Variants in BAHCC1 observed in about 807,000 individuals in gnomAD.
The protein encoded by BAHCC1 is BAH domain and coiled-coil containing 1.
In BAHCC1, 43 loss-of-function variants were observed where a neutral mutation model predicts 88.2. The ratio of observed to expected loss-of-function variants is 0.49; its 90% CI spans 0.38 to 0.63. The LOEUF is 0.63. Among genes scored for constraint, BAHCC1 ranks in the 20% least tolerant of loss-of-function variants. The probability of loss-of-function intolerance (pLI) is 0.00; values close to 1 mark genes in which losing one functional copy is unlikely to be tolerated. For synonymous variants in BAHCC1, 1,510 were observed against 745.5 expected, an observed-to-expected ratio of 2.03 and a Z score of -16.71; for missense variants, 3,023 against 1,654.8, an observed-to-expected ratio of 1.83 and a Z score of -14.34.
chr17:81,419,057 G>A lies in BAHCC1; in HGVS notation c.179-7743G>A, dbSNP rs565118960. Among the ~76,000 whole-genome samples, 6 of 152,248 alleles carry A rather than the reference G, an allele frequency of 3.9e-5. No individual in the cohort carries two copies. In the South Asian group the frequency reaches 1.2e-3, roughly 32 times the overall value. On this transcript the variant is annotated intron_variant, in intron 2 of 27. Transcript: ENST00000675386. Reference sequence around the variant, plus strand: ...ACTAGTGATTGCAGCCAGGGTGGGGGAAGCATCACTGGGTTGTATCTGGGG... The same window carrying A: ...ACTAGTGATTGCAGCCAGGGTGGGGAAAGCATCACTGGGTTGTATCTGGGG...
At chr17:81,428,265 C>A (rs937277495) in intron 3 of BAHCC1, among the ~76,000 whole-genome samples, 1 of 152,228 alleles carries the variant, frequency 6.6e-6, no homozygotes, top group African/African-American at 2.4e-5. Flanking sequence ...TATGCCCCAC[C>A]CCGCCTCAGC....
intron 2 of BAHCC1, among the ~76,000 whole-genome samples, chr17:81,400,340 A>T (rs1163155491): frequency 6.6e-6 from 1 of 151,960 alleles, no homozygotes; most frequent in African/African-American, 2.4e-5. Flanking sequence ...GGAGGGGACC[A>T]GGGTACGCCG....
chr17:81,420,411 C>A (rs1555649460), intron 2 of BAHCC1, among the ~76,000 whole-genome samples: 3 of 152,202 alleles, frequency 2.0e-5, no homozygotes, highest in Admixed American at 1.3e-4. Context: ...CAGCTGTTCC[C>A]CAGTCTTCCC....
Position 81,411,693 on chromosome 17 carries a change from C to A in BAHCC1, c.178+11776C>A. 1 of 328,102 alleles carries A rather than the reference C, an allele frequency of 3.0e-6. No individual in the cohort carries two copies. The highest frequency in any genetic ancestry group is 6.0e-6 in the Non-Finnish European group (1 of 166,202). 20.3% of individuals were successfully genotyped at this position (328,102 alleles called of 1,614,324 possible). On this transcript the variant is annotated intron_variant, in intron 2 of 27. Coordinates refer to ENST00000675386, the MANE Select transcript of BAHCC1 (RefSeq NM_001377448.1). The surrounding 1 kb of genome is among the most constrained non-coding windows in gnomAD (Gnocchi z 6.2). The stretch of plus-strand genomic sequence containing the variant: ...TGAGGCCCTCCAGGCAGCTCCCCTT[C>A]CACTCTGCCCAGCCCACCCTGCCAG...
chr17:81,437,271 C>T (rs1472157722), intron 3 of BAHCC1, among the ~76,000 whole-genome samples: 3 of 152,268 alleles, frequency 2.0e-5, no homozygotes, highest in Non-Finnish European at 4.4e-5. Flanking sequence ...GCCAGCCGCT[C>T]GGCCCTCACG....
Position 81,452,032 on chromosome 17 carries a change from G to A in BAHCC1, c.4241G>A (p.Arg1414Gln), listed in dbSNP as rs782567531. Residue 1414 changes from arginine (R) to glutamine (Q), a missense_variant, in exon 13 of 28, where the codon CGG (arginine) becomes CAG (glutamine). Coordinates refer to ENST00000675386, the MANE Select transcript of BAHCC1 (RefSeq NM_001377448.1). ...ACGCAGGAGGTGGGGATGCGCGTGC[G>A]GCTGGCGGAGCTGCAGCGGCGCTAC... ...LDTQEVGMRV[R>Q]LAELQRRYKE... is the part of the protein sequence containing the mutation. 21 of 629,192 alleles carry A rather than the reference G, an allele frequency of 3.3e-5. No homozygotes were observed. The highest frequency in any genetic ancestry group is 1.9e-4 in the Admixed American group (7 of 36,202). The allele number at this position is 629,192 out of a possible 1,614,324, so 39.0% of individuals were successfully genotyped here. A position where few individuals can be genotyped will look rare whatever the true frequency, so the allele number is the denominator to read the frequency against.
rs1187351886 is a variant in BAHCC1 at position 81,444,651 on chromosome 17, T to C, written c.2513-17T>C. On this transcript the variant is annotated splice_polypyrimidine_tract_variant and intron_variant, in intron 7 of 27. Coordinates refer to ENST00000675386, the MANE Select transcript of BAHCC1 (RefSeq NM_001377448.1). ...CCGAGAGTGCGAGGCCTGACCACTG[T>C]GCCCTCTGCCTCCCAGGCCTGGGGC... The C allele has an allele frequency of 2.6e-6, 2 of 769,448 alleles. No homozygotes were observed. The highest frequency in any genetic ancestry group is 1.7e-5 in the African/African-American group (1 of 59,042). 47.7% of individuals were successfully genotyped at this position (769,448 alleles called of 1,614,324 possible).
chr17:81,406,174 T>A (rs2063876464), intron 2 of BAHCC1, among the ~76,000 whole-genome samples: 2 of 152,174 alleles, frequency 1.3e-5, no homozygotes, highest in Non-Finnish European at 1.5e-5. Context: ...CTTGTTCCCC[T>A]GAGGAGGGAG....
Position 81,444,715 on chromosome 17 carries a change from G to C in BAHCC1, c.2560G>C (p.Ala854Pro), listed in dbSNP as rs543197440. 6 of 777,582 alleles carry C rather than the reference G, an allele frequency of 7.7e-6. No individual in the cohort carries two copies. In the South Asian group the frequency reaches 8.0e-5, roughly 10 times the overall value. 48.2% of individuals were successfully genotyped at this position (777,582 alleles called of 1,614,324 possible). The stretch of plus-strand genomic sequence containing the variant: ...CCAGAACCTGCCCCCCGGCTTCCCC[G>C]CCTCCGTGGCTGGCCCTGTGCCCTC... The part of the protein sequence containing the change: ...LHQNLPPGFP[A>P]SVAGPVPSVF... The change falls in exon 8 of 28, where the codon GCC becomes CCC. Residue 854 changes from alanine (A) to proline (P), a missense_variant. Physicochemically the swap from Ala to Pro is conservative, Grantham distance 27. Coordinates refer to ENST00000675386, the MANE Select transcript of BAHCC1 (RefSeq NM_001377448.1).
rs147451011 is a variant in BAHCC1, at chr17:81,460,906, G to T, written c.6243G>T (p.Thr2081=). ...TAACCTCAGGTGCCAAATCCCCCAC[G>T]GGGGCCTCCGACCACTTCCTGGGCC... ...ELLTSGAKSP[T]GASDHFLGRR... The change falls in exon 26 of 28, where the codon ACG becomes ACT. Residue 2081 remains threonine (T), a synonymous_variant. Coordinates refer to ENST00000675386, the MANE Select transcript of BAHCC1 (RefSeq NM_001377448.1). The T allele has an allele frequency of 1.3e-6, 1 of 767,714 alleles. No homozygotes were observed. The highest frequency in any genetic ancestry group is 1.3e-5 in the South Asian group (1 of 74,620). The allele number at this position is 767,714 out of a possible 1,614,324, so 47.6% of individuals were successfully genotyped here.
Position 81,442,709 on chromosome 17 carries a change from C to T in BAHCC1, c.1360C>T (p.Pro454Ser). Residue 454 changes from proline to serine, a missense_variant, in exon 5 of 28, where the codon CCT (proline) becomes TCT (serine). Physicochemically the swap from Pro to Ser is moderately conservative, Grantham distance 74. Coordinates refer to ENST00000675386, the MANE Select transcript of BAHCC1 (RefSeq NM_001377448.1). ...GGCCGAGGGCAAGGGCGAGCGGCGG[C>T]CTGGGGGCTTTGAGGCGGCCCTCAA... Reference protein sequence around the residue: ...LKAEGKGERRPGGFEAALNPR... With the variant: ...LKAEGKGERRSGGFEAALNPR... 1 of 775,390 alleles carries T rather than the reference C, an allele frequency of 1.3e-6. No individual in the cohort carries two copies. The highest frequency in any genetic ancestry group is 1.3e-5 in the South Asian group (1 of 74,160). The allele number at this position is 775,390 out of a possible 1,614,324, so 48.0% of individuals were successfully genotyped here. A position where few individuals can be genotyped will look rare whatever the true frequency, so the allele number is the denominator to read the frequency against.
chr17:81,415,004 C>T lies in BAHCC1; in HGVS notation c.179-11796C>T, dbSNP rs149155355. ...GTTACCCGCCCCGGCGTACTGTCCT[C>T]GCCAGCAGCCGTGCACTCTGCACGT... On this transcript the variant is annotated intron_variant, in intron 2 of 27. Transcript: ENST00000675386. Among the ~76,000 whole-genome samples, 366 of 152,340 alleles carry T rather than the reference C, an allele frequency of 2.4e-3. 4 individuals are homozygous for T. Among genetic ancestry groups the T allele is most frequent in the African/African-American group, 7.8e-3 (323 of 41,574 alleles).
chr17:81,418,123 G>A (rs1005890638), intron 2 of BAHCC1, among the ~76,000 whole-genome samples: 1 of 152,242 alleles, frequency 6.6e-6, no homozygotes. Flanking sequence ...CAGTAAGCAG[G>A]GCGGGCCCCG....
At chr17:81,436,774 C>T (rs111619977) in intron 3 of BAHCC1, among the ~76,000 whole-genome samples, 1 of 152,252 alleles carries the variant, frequency 6.6e-6, no homozygotes, top group Non-Finnish European at 1.5e-5. Context: ...GCACCAGGGC[C>T]AGGGCGCCCT....
chr17:81,400,589 G>A (rs540248410), intron 2 of BAHCC1: 2 of 152,824 alleles, frequency 1.3e-5, no homozygotes, highest in Admixed American at 1.3e-4. Flanking sequence ...GCGCGGGCGC[G>A]GGCTGGGGGT....
intron 6 of BAHCC1, 115 bp from the exon 7 acceptor site, chr17:81,444,266 T>C (rs2064479131): frequency 1.6e-6 from 1 of 628,096 alleles, no homozygotes; most frequent in East Asian, 2.8e-5. Flanking sequence ...GAGTCAGGCA[T>C]TGGCACCGTT....
Position 81,445,001 on chromosome 17 carries a change from G to T in BAHCC1, c.2672-14G>T. On this transcript the variant is annotated splice_polypyrimidine_tract_variant and intron_variant, in intron 8 of 27. Coordinates refer to ENST00000675386, the MANE Select transcript of BAHCC1 (RefSeq NM_001377448.1). ...TCCCCAGCCAGGCTGACCCCTCCTG[G>T]GCCCTGCCCACAGCGGATGTCATGG... 1.3e-6 allele frequency: 1 copy of T among 747,558 alleles called. No homozygotes were observed. The allele number at this position is 747,558 out of a possible 1,614,324, so 46.3% of individuals were successfully genotyped here.
At chr17:81,403,910 T>C (rs1475678588) in intron 2 of BAHCC1, among the ~76,000 whole-genome samples, 6 of 152,252 alleles carry the variant, frequency 3.9e-5, no homozygotes, top group African/African-American at 1.4e-4. Flanking sequence ...GGGCTCGTGC[T>C]GCCACCACGT....
Position 81,452,078 on chromosome 17 carries a change from G to A in BAHCC1, c.4287G>A (p.Leu1429=). 1 of 629,850 alleles carries A rather than the reference G, an allele frequency of 1.6e-6. No homozygotes were observed. Among genetic ancestry groups the A allele is most frequent in the Non-Finnish European group, 2.8e-6 (1 of 356,660 alleles). 39.0% of individuals were successfully genotyped at this position (629,850 alleles called of 1,614,324 possible). Residue 1429 remains leucine (L), a synonymous_variant, in exon 13 of 28, where the codon CTG becomes CTA. Transcript: ENST00000675386. Reference sequence around the variant, plus strand: ...GCTACAAGGAGAAGCAGCGGGAGCTGGCCCGCCTGCAGCGCAAGCACGACC... The same window carrying A: ...GCTACAAGGAGAAGCAGCGGGAGCTAGCCCGCCTGCAGCGCAAGCACGACC... ...QRRYKEKQRE[L]ARLQRKHDHE...
Sources: allele counts gnomAD v4.1 joint callset (sites outside exome capture counted in the v4.1 genomes callset), GRCh38; gene constraint gnomAD v4.1.1; non-coding constraint Gnocchi (gnomAD v3.1); transcripts MANE v1.5; gene names NCBI Gene and HGNC (gene_info 2026-07-23, HGNC 2026-07-21).